ARNT: variants seen among roughly 807,000 people sequenced by gnomAD.
ARNT encodes the protein class E basic helix-loop-helix protein 2.
Under a neutral mutation model 105.0 loss-of-function variants are expected in ARNT, and 30 were observed. The ratio of observed to expected loss-of-function variants is 0.29; its 90% CI spans 0.21 to 0.39. ARNT has a LOEUF of 0.39. Among genes scored for constraint, ARNT ranks in the 10% least tolerant of loss-of-function variants. The probability of loss-of-function intolerance (pLI) is 1.00; values close to 1 mark genes in which losing one functional copy is unlikely to be tolerated. For synonymous variants in ARNT, 304 were observed against 344.0 expected (o/e 0.88, Z 1.29); for missense variants, 748 against 978.7 (o/e 0.76, Z 3.15).
At chr1:150,850,473 G>A (rs587676236) in intron 3 of ARNT, among the ~76,000 whole-genome samples, 19 of 152,346 alleles carry the variant, frequency 1.2e-4, no homozygotes, top group African/African-American at 2.6e-4. Context: ...TGGTGGAGAC[G>A]GGGTTTCGCT....
chr1:150,828,465 T>C (rs1380341741), intron 12 of ARNT, among the ~76,000 whole-genome samples: 2 of 151,826 alleles, frequency 1.3e-5, no homozygotes, highest in East Asian at 1.9e-4. Context: ...AGTATAAGAA[T>C]AGACCTTATT....
At chr1:150,855,591 A>T (rs992815294) in intron 2 of ARNT, among the ~76,000 whole-genome samples, 6 of 151,934 alleles carry the variant, frequency 3.9e-5, no homozygotes, top group Non-Finnish European at 7.4e-5. Context: ...TTATGTTTAT[A>T]TAGAATATGT....
At chr1:150,833,185 T>C (rs925220452) in intron 8 of ARNT, among the ~76,000 whole-genome samples, 1 of 152,102 alleles carries the variant, frequency 6.6e-6, no homozygotes, top group African/African-American at 2.4e-5. Flanking sequence ...TAAAACAAAA[T>C]CCAGCAGTCT....
chr1:150,817,355 A>G lies in ARNT; in HGVS notation c.1578+6T>C. ...TACCCTCTTCAACGAAGAGGACACA[A>G]CTCACCTGGGAATGATTGTAGCTGG... On this transcript the variant is annotated splice_donor_region_variant and intron_variant, in intron 16 of 21. Coordinates refer to ENST00000358595, the MANE Select transcript of ARNT (RefSeq NM_001668.4). The G allele has an allele frequency of 6.2e-7, 1 of 1,613,848 alleles. No individual in the cohort carries two copies. Among genetic ancestry groups the G allele is most frequent in the Non-Finnish European group, 8.5e-7 (1 of 1,179,922 alleles).
chr1:150,818,077 G>C (rs759471197), intron 14 of ARNT, 47 bp from the exon 15 acceptor site: 4 of 1,287,362 alleles, frequency 3.1e-6, no homozygotes, highest in Non-Finnish European at 4.4e-6. Flanking sequence ...GAGGGAGGAA[G>C]GGGGGAGAGA....
Position 150,832,384 on chromosome 1 carries a change from A to G in ARNT, c.819T>C (p.Ser273=). Residue 273 remains serine, a synonymous_variant, in exon 9 of 22, where the codon TCT becomes TCC. Coordinates refer to ENST00000358595, the MANE Select transcript of ARNT (RefSeq NM_001668.4). ...FICRMRCGSS[S]VDPVSVNRLS... ...GCCTATTCACAGAAACTGGGTCCAC[A>G]GAGCTACTGCCACACCTGTTTCAAG... 1.9e-6 allele frequency: 3 copies of G among 1,614,182 alleles called. No individual in the cohort carries two copies. Among genetic ancestry groups the G allele is most frequent in the Non-Finnish European group, 2.5e-6 (3 of 1,180,016 alleles).
intron 12 of ARNT, among the ~76,000 whole-genome samples, chr1:150,828,082 T>TA (rs1658623528): frequency 6.6e-6 from 1 of 152,168 alleles, no homozygotes; most frequent in African/African-American, 2.4e-5. Flanking sequence ...TTTCTCTCCA[T>TA]TTATGTCTGG....
chr1:150,865,437 C>T (rs1666408498), intron 1 of ARNT, among the ~76,000 whole-genome samples: 1 of 152,184 alleles, frequency 6.6e-6, no homozygotes, highest in Admixed American at 6.6e-5. Flanking sequence ...TCAATTTACG[C>T]TATGGAATTC....
At chr1:150,842,541 G>GA in intron 4 of ARNT, 73 bp from the exon 5 acceptor site, 2 of 1,218,284 alleles carry the variant, frequency 1.6e-6, no homozygotes, top group Non-Finnish European at 2.3e-6. Flanking sequence ...GGGAGGAAGG[G>GA]AAAAAAGGAA....
chr1:150,822,801 T>A (rs1657381967), intron 14 of ARNT, among the ~76,000 whole-genome samples: 1 of 152,172 alleles, frequency 6.6e-6, no homozygotes, highest in African/African-American at 2.4e-5. Flanking sequence ...GTGGGAGCAG[T>A]CTTGTGGTAC....
At chr1:150,864,353 G>T (rs587771437) in intron 1 of ARNT, among the ~76,000 whole-genome samples, 1 of 151,930 alleles carries the variant, frequency 6.6e-6, no homozygotes, top group African/African-American at 2.4e-5. Flanking sequence ...AGACCTATTG[G>T]AACCAACCCA....
At chr1:150,836,595 C>A in intron 6 of ARNT, 102 bp from the exon 7 acceptor site, 1 of 1,171,166 alleles carries the variant, frequency 8.5e-7, no homozygotes. Flanking sequence ...TGCATCTCTC[C>A]GTAAGCAACT....
chr1:150,867,101 G>C (rs947307611), intron 1 of ARNT, among the ~76,000 whole-genome samples: 1 of 152,020 alleles, frequency 6.6e-6, no homozygotes, highest in African/African-American at 2.4e-5. Context: ...CTACTCGAGA[G>C]GCTGAGGCAC....
intron 13 of ARNT, 142 bp from the exon 14 acceptor site, chr1:150,823,487 G>T: frequency 1.4e-6 from 1 of 714,696 alleles, no homozygotes; most frequent in South Asian, 2.8e-5. Flanking sequence ...AAAACAAAAT[G>T]AGAGTAAAAA....
intron 6 of ARNT, 94 bp downstream of exon 6, chr1:150,839,347 C>G (rs1660864104): frequency 2.3e-6 from 3 of 1,307,102 alleles, no homozygotes; most frequent in Non-Finnish European, 3.2e-6. Flanking sequence ...TGTCTGACTT[C>G]TTCCTGAAAA....
chr1:150,858,442 G>A lies in ARNT; in HGVS notation c.44C>T (p.Pro15Leu), dbSNP rs1242778324. The change falls in exon 2 of 22, where the codon CCA (proline) becomes CTA (leucine). Residue 15 changes from proline to leucine, a missense_variant. Coordinates refer to ENST00000358595, the MANE Select transcript of ARNT (RefSeq NM_001668.4). ...TANPEMTSDV[P>L]SLGPAIASGN... ...AGAGGCAATGGCTGGACCCAGTGAT[G>A]GTACATCTGATGTCATTTCTGTCAG... The A allele has an allele frequency of 6.2e-7, 1 of 1,607,022 alleles. No individual in the cohort carries two copies. The highest frequency in any genetic ancestry group is 8.5e-7 in the Non-Finnish European group (1 of 1,176,036).
intron 4 of ARNT, 85 bp from the exon 5 acceptor site, chr1:150,842,553 G>T: frequency 8.9e-7 from 1 of 1,118,740 alleles, no homozygotes; most frequent in Non-Finnish European, 1.3e-6. Context: ...AAAAAGGAAG[G>T]AGGGAGGGAG....
At position 150,823,101 on chromosome 1, in the gene ARNT, T is replaced by C. The variant is rs915290243; in HGVS notation, c.1394+93A>G. The stretch of plus-strand genomic sequence containing the variant: ...CCGGCTAAATTTTTGTGTTGTTGCT[T>C]GATTGTTTACCCCCCACATAGGGCA... On this transcript the variant is annotated intron_variant, in intron 14 of 21. Coordinates refer to ENST00000358595, the MANE Select transcript of ARNT (RefSeq NM_001668.4). 15 of 1,281,008 alleles carry C rather than the reference T, an allele frequency of 1.2e-5. No individual in the cohort carries two copies. The African/African-American group carries it at 2.1e-4, about 18-fold the overall frequency. 79.4% of individuals were successfully genotyped at this position (1,281,008 alleles called of 1,614,324 possible). A position where few individuals can be genotyped will look rare whatever the true frequency, so the allele number is the denominator to read the frequency against.
At chr1:150,868,777 G>A (rs966775846) in intron 1 of ARNT, among the ~76,000 whole-genome samples, 1 of 152,118 alleles carries the variant, frequency 6.6e-6, no homozygotes, top group African/African-American at 2.4e-5. Context: ...GCACGTGCCT[G>A]TAGTCCCAGC....
Sources: gnomAD v4.1 joint callset for allele counts (sites outside exome capture counted in the v4.1 genomes callset) on GRCh38, gnomAD v4.1.1 for gene constraint, MANE v1.5 for transcripts, NCBI Gene and HGNC (gene_info 2026-07-23, HGNC 2026-07-21) for gene names.